Variants in BPTF observed in about 807,000 individuals in gnomAD.
BPTF encodes the protein nucleosome-remodeling factor subunit BPTF.
A neutral mutation model predicts 292.5 loss-of-function variants in BPTF; 18 were observed. That is an observed-to-expected ratio of 0.06 (90% CI 0.04 to 0.09). The LOEUF is 0.09. BPTF is among the 10% of genes least tolerant of loss of function. The pLI is 1.00. For synonymous variants in BPTF, 1,225 were observed against 1,251.9 expected, an observed-to-expected ratio of 0.98 and a Z score of 0.45; for missense variants, 2,726 against 3,498.7, an observed-to-expected ratio of 0.78 and a Z score of 5.57.
intron 26 of BPTF, among the ~76,000 whole-genome samples, chr17:67,973,454 TGAGA>T (rs373527583): frequency 2.8e-4 from 43 of 152,200 alleles, no homozygotes; most frequent in African/African-American, 9.6e-4. Flanking sequence ...TGGCATATAA[TGAGA>T]GAGAATTTTT....
At chr17:67,881,875 T>G (rs997638734) in intron 4 of BPTF, among the ~76,000 whole-genome samples, 4 of 131,894 alleles carry the variant, frequency 3.0e-5, no homozygotes, top group Non-Finnish European at 4.6e-5. Context: ...TTTTTTTTTT[T>G]TTTTTTTTTG....
At chr17:67,926,888 A>G (rs2063950869) in intron 15 of BPTF, among the ~76,000 whole-genome samples, 1 of 148,502 alleles carries the variant, frequency 6.7e-6, no homozygotes, top group Non-Finnish European at 1.5e-5. Flanking sequence ...CAGAAACACT[A>G]CCACACCCAC....
chr17:67,907,198 A>C (rs1207620741), intron 9 of BPTF, among the ~76,000 whole-genome samples: 1 of 151,596 alleles, frequency 6.6e-6, no homozygotes, highest in Non-Finnish European at 1.5e-5. Context: ...AAAAAAAAAA[A>C]AAACCTTTAA....
chr17:67,858,636 C>G (rs1487952093), intron 2 of BPTF, among the ~76,000 whole-genome samples: 3 of 151,748 alleles, frequency 2.0e-5, no homozygotes, highest in Non-Finnish European at 2.9e-5. Context: ...TGTCAGGGAG[C>G]CCGGTGCTTG....
chr17:67,971,463 A>G (rs1265325844), intron 26 of BPTF, among the ~76,000 whole-genome samples: 2 of 151,882 alleles, frequency 1.3e-5, no homozygotes, highest in Non-Finnish European at 2.9e-5. Context: ...AGCATGGGCT[A>G]CAAAGTGAGA....
chr17:67,831,202 T>C (rs959544125), intron 1 of BPTF, among the ~76,000 whole-genome samples: 1 of 152,190 alleles, frequency 6.6e-6, no homozygotes, highest in Non-Finnish European at 1.5e-5. Context: ...CAGGAGGCAC[T>C]TTAGAGTTCT....
At chr17:67,876,757 G>T (rs1449733143) in intron 4 of BPTF, among the ~76,000 whole-genome samples, 4 of 152,156 alleles carry the variant, frequency 2.6e-5, no homozygotes, top group Admixed American at 2.6e-4. Context: ...AGTGAGCTGA[G>T]ATCGTATCAC....
chr17:67,852,428 T>G (rs1437070308), intron 1 of BPTF, among the ~76,000 whole-genome samples: 4 of 150,960 alleles, frequency 2.6e-5, no homozygotes, highest in Non-Finnish European at 5.9e-5. Context: ...ACCTCTTAGA[T>G]ATATATATAC....
intron 18 of BPTF, among the ~76,000 whole-genome samples, chr17:67,934,870 C>CAAAAAAAAAAAAAAAAAA (rs569120237): frequency 1.1e-5 from 1 of 91,010 alleles, no homozygotes; most frequent in African/African-American, 5.7e-5. Flanking sequence ...AACTCTGTCT[C>CAAAAAAAAAAAAAAAAAA]AAAAAAAAAA....
intron 1 of BPTF, among the ~76,000 whole-genome samples, chr17:67,835,912 A>T (rs185848463): frequency 2.0e-5 from 3 of 151,698 alleles, no homozygotes; most frequent in Admixed American, 6.6e-5. Flanking sequence ...TGATCCGCCC[A>T]CCTCAGCCTC....
At chr17:67,852,461 C>CCT (rs79993364) in intron 1 of BPTF, among the ~76,000 whole-genome samples, 51,756 of 151,748 alleles carry the variant, frequency 0.34, 11,151 homozygotes, top group East Asian at 0.67. Flanking sequence ...CCCTTGCCCT[C>CCT]CTTTTTATTT....
chr17:67,891,234 C>G (rs887728824), intron 4 of BPTF, among the ~76,000 whole-genome samples: 1 of 152,018 alleles, frequency 6.6e-6, no homozygotes, highest in Non-Finnish European at 1.5e-5. Flanking sequence ...GTATGTAAAG[C>G]AGAAATTTGC....
chr17:67,872,404 G>A (rs1484539475), intron 3 of BPTF, among the ~76,000 whole-genome samples: 1 of 152,132 alleles, frequency 6.6e-6, no homozygotes, highest in Non-Finnish European at 1.5e-5. Flanking sequence ...GTTAAGAAAA[G>A]CTATAGGATG....
chr17:67,864,028 G>A (rs2059244350), intron 2 of BPTF, among the ~76,000 whole-genome samples: 1 of 152,158 alleles, frequency 6.6e-6, no homozygotes, highest in Non-Finnish European at 1.5e-5. Flanking sequence ...GGTAACTTCA[G>A]GGAAGCCTGG....
chr17:67,950,501 G>A (rs2066249688), intron 23 of BPTF, among the ~76,000 whole-genome samples: 1 of 151,794 alleles, frequency 6.6e-6, no homozygotes, highest in African/African-American at 2.4e-5. Flanking sequence ...TTTATGTGTG[G>A]TATGATTATT....
chr17:67,851,708 CCTTAAA>C (rs148194795), intron 1 of BPTF, among the ~76,000 whole-genome samples: 2,786 of 152,244 alleles, frequency 0.018, 92 homozygotes, highest in African/African-American at 0.064. Context: ...ATAAGCAGAA[CCTTAAA>C]CTTGACAATC....
rs2065956838 is a variant in BPTF at position 67,948,236 on chromosome 17, A to G, written c.7856A>G (p.Lys2619Arg). ...CTGTCAGCTCTGCTCTTCAAGCACA[A>G]AGAGCAGCTCAGAGCCGAGATCCTG... is the stretch of plus-strand genomic sequence containing the variant. ...TKLSALLFKH[K>R]EQLRAEILKK... is the part of the protein sequence containing the mutation. The change falls in exon 23 of 28, where the codon AAA becomes AGA. Residue 2619 changes from lysine to arginine, a missense_variant. By Grantham distance (26) the Lys-to-Arg change is conservative. This residue lies in a region of BPTF where 148 missense variants were observed against 145.5 expected (regional missense o/e 1.02). Coordinates refer to ENST00000306378, the MANE Select transcript of BPTF (RefSeq NM_182641.4). 1.2e-6 allele frequency: 2 copies of G among 1,614,190 alleles called. No individual in the cohort carries two copies. The highest frequency in any genetic ancestry group is 1.1e-5 in the South Asian group (1 of 91,090).
chr17:67,932,014 A>G lies in BPTF; in HGVS notation c.6254A>G (p.Gln2085Arg), dbSNP rs1486597594. 6.2e-7 allele frequency: 1 copy of G among 1,610,906 alleles called. No individual in the cohort carries two copies. The highest frequency in any genetic ancestry group is 1.7e-5 in the Admixed American group (1 of 59,934). ...ATTATTCGAACACCTGTGATGGTAC[A>G]GCCAGGTATTTATCCATCCAGCATT... ...KAIIRTPVMV[Q>R]PGAPQQVMTQ... is the part of the protein sequence containing the mutation. Residue 2085 changes from glutamine to arginine, a missense_variant, in exon 18 of 28, where the codon CAG becomes CGG. Physicochemically the swap from Gln to Arg is conservative, Grantham distance 43. Coordinates refer to ENST00000306378, the MANE Select transcript of BPTF (RefSeq NM_182641.4).
rs946753206 is a variant in BPTF, at chr17:67,826,207, C to T, written c.483C>T (p.Asp161=). The stretch of plus-strand genomic sequence containing the variant: ...AGGAGACCCAGGATTCTGAGGACGA[C>T]GAGGAGGATGAGATGGAAGAGGACG... The part of the protein sequence containing the change: ...DAEETQDSED[D]EEDEMEEDDD... The change falls in exon 1 of 28, where the codon GAC becomes GAT. Residue 161 remains aspartate (D), a synonymous_variant. Transcript: ENST00000306378. 5 of 1,612,412 alleles carry T rather than the reference C, an allele frequency of 3.1e-6. No individual in the cohort carries two copies. Among genetic ancestry groups the T allele is most frequent in the Admixed American group, 3.3e-5 (2 of 59,982 alleles).
Sources: gnomAD v4.1 joint callset for allele counts (sites outside exome capture counted in the v4.1 genomes callset) on GRCh38, gnomAD v4.1.1 for gene constraint, gnomAD v4.1.1 regional missense constraint, MANE v1.5 for transcripts, NCBI Gene and HGNC (gene_info 2026-07-23, HGNC 2026-07-21) for gene names.